Variants in RNMT observed in about 807,000 individuals in gnomAD.
RNMT encodes mRNA cap guanine-N(7) methyltransferase.
RNMT carries 27 observed loss-of-function variants against 56.0 expected under a neutral mutation model. The ratio of observed to expected loss-of-function variants is 0.48; its 90% confidence interval spans 0.36 to 0.67. The LOEUF (loss-of-function observed/expected upper bound fraction) is 0.67. Among genes scored for constraint, RNMT ranks in the 30% least tolerant of loss-of-function variants. RNMT has a pLI of 0.00. For synonymous variants in RNMT, 184 were observed against 176.2 expected (o/e 1.04, Z -0.35); for missense variants, 519 against 552.1 (o/e 0.94, Z 0.60).
At chr18:13,751,761 A>G (rs1368317962) in intron 9 of RNMT, among the ~76,000 whole-genome samples, 1 of 152,244 alleles carries the variant, frequency 6.6e-6, no homozygotes, top group African/African-American at 2.4e-5. Flanking sequence ...AATGTGGCAC[A>G]TATACACCAT....
At chr18:13,728,803 A>G (rs2044019360) in intron 1 of RNMT, among the ~76,000 whole-genome samples, 1 of 151,912 alleles carries the variant, frequency 6.6e-6, no homozygotes, top group Non-Finnish European at 1.5e-5. Context: ...GTCTATTCAG[A>G]TCTTTTGCCC....
At chr18:13,727,777 T>G (rs1253859940) in intron 1 of RNMT, among the ~76,000 whole-genome samples, 1 of 152,212 alleles carries the variant, frequency 6.6e-6, no homozygotes, top group Non-Finnish European at 1.5e-5. Flanking sequence ...CAGTCTGTGG[T>G]AACCACCAAT....
At chr18:13,747,480 A>G (rs536861612) in intron 9 of RNMT, among the ~76,000 whole-genome samples, 14 of 152,294 alleles carry the variant, frequency 9.2e-5, no homozygotes, top group African/African-American at 3.1e-4. Flanking sequence ...TTGGCCTCCC[A>G]AAGTACTGGG....
chr18:13,751,619 G>A (rs545027131), intron 9 of RNMT, among the ~76,000 whole-genome samples: 162 of 152,324 alleles, frequency 1.1e-3, no homozygotes, highest in African/African-American at 3.8e-3. Context: ...ATTACTGGGT[G>A]TATACCCAAA....
At chr18:13,750,011 C>T (rs755243576) in intron 9 of RNMT, among the ~76,000 whole-genome samples, 2 of 152,122 alleles carry the variant, frequency 1.3e-5, no homozygotes, top group South Asian at 2.1e-4. Context: ...CTGCCTTCCT[C>T]GGTCTCCCAA....
intron 4 of RNMT, among the ~76,000 whole-genome samples, chr18:13,736,096 G>A (rs1223096478): frequency 2.0e-5 from 3 of 152,112 alleles, no homozygotes; most frequent in Admixed American, 2.0e-4. Flanking sequence ...TTTTATAATT[G>A]TTTTTCGCTC....
intron 10 of RNMT, among the ~76,000 whole-genome samples, chr18:13,752,778 C>T (rs751668200): frequency 2.0e-5 from 3 of 152,234 alleles, no homozygotes; most frequent in Admixed American, 2.0e-4. Flanking sequence ...TTCACCTATA[C>T]TAATTTCTGC....
intron 11 of RNMT, among the ~76,000 whole-genome samples, chr18:13,757,226 A>G (rs908364593): frequency 6.6e-5 from 10 of 152,270 alleles, no homozygotes; most frequent in African/African-American, 4.8e-5. Flanking sequence ...TCTTTCCTCC[A>G]TGGCGGAAAT....
intron 11 of RNMT, among the ~76,000 whole-genome samples, chr18:13,755,305 G>T (rs2044524300): frequency 6.6e-6 from 1 of 152,198 alleles, no homozygotes; most frequent in Non-Finnish European, 1.5e-5. Flanking sequence ...ATGACATCTG[G>T]GATGTAGTAA....
At chr18:13,726,864 G>A (rs1326132701) in intron 1 of RNMT, 135 bp downstream of exon 1, 1 of 152,266 alleles carries the variant, frequency 6.6e-6, no homozygotes, top group Non-Finnish European at 1.5e-5. Context: ...ACTACCCAAC[G>A]CGTGGGTCTA....
chr18:13,730,074 G>C (rs1352646574), intron 1 of RNMT, among the ~76,000 whole-genome samples: 2 of 152,196 alleles, frequency 1.3e-5, no homozygotes, highest in African/African-American at 4.8e-5. Flanking sequence ...ACAGGTGTGA[G>C]CCACTGTGCC....
chr18:13,753,823 A>ACACACACACC (rs2044496993), intron 10 of RNMT, among the ~76,000 whole-genome samples: 1 of 145,290 alleles, frequency 6.9e-6, no homozygotes, highest in Non-Finnish European at 1.5e-5. Context: ...AGTTACACAC[A>ACACACACACC]CACACACACA....
chr18:13,745,430 G>T (rs2044335282), intron 8 of RNMT, among the ~76,000 whole-genome samples: 1 of 152,184 alleles, frequency 6.6e-6, no homozygotes, highest in African/African-American at 2.4e-5. Context: ...ATTTGAAATT[G>T]ATGTTTTCTA....
At chr18:13,730,088 C>T (rs553435033) in intron 1 of RNMT, among the ~76,000 whole-genome samples, 3 of 152,132 alleles carry the variant, frequency 2.0e-5, no homozygotes, top group Non-Finnish European at 4.4e-5. Flanking sequence ...CTGTGCCCAG[C>T]GAAAGCTTAA....
intron 9 of RNMT, among the ~76,000 whole-genome samples, chr18:13,746,678 G>A (rs1170123595): frequency 6.6e-6 from 1 of 152,156 alleles, no homozygotes; most frequent in Non-Finnish European, 1.5e-5. Flanking sequence ...CTACGCACTA[G>A]ATGCCTTCCA....
In RNMT at chr18:13,731,871, T is replaced by C. The variant is rs1241212437; in HGVS notation, c.354T>C (p.Ser118=). 1 of 1,610,172 alleles carries C rather than the reference T, an allele frequency of 6.2e-7. No homozygotes were observed. Among genetic ancestry groups the C allele is most frequent in the African/African-American group, 1.3e-5 (1 of 74,680 alleles). The change falls in exon 3 of 12, where the codon TCT becomes TCC. Residue 118 remains serine (S), a synonymous_variant. Coordinates refer to ENST00000383314, the MANE Select transcript of RNMT (RefSeq NM_003799.3). ...ETEDVPKDKS[S]TGDGTQNKRK... ...AGGATGTTCCAAAAGATAAATCTTCTACTGGAGATGGCACTCAAAATAAGA... is the reference window on the plus strand; with the variant it reads ...AGGATGTTCCAAAAGATAAATCTTCCACTGGAGATGGCACTCAAAATAAGA...
In RNMT at chr18:13,755,951, G is replaced by A. The variant is rs773313182; in HGVS notation, c.1393+1804G>A. On this transcript the variant is annotated intron_variant, in intron 11 of 11. Coordinates refer to ENST00000383314, the MANE Select transcript of RNMT (RefSeq NM_003799.3). ...ATTGGAAGAGATGGGCTGGACATGC[G>A]AAGAGAGCAGTGGCCAAATTGCACC... Among the ~76,000 whole-genome samples the A allele has an allele frequency of 3.9e-5, 6 of 152,208 alleles. No homozygotes were observed. The East Asian group carries it at 5.8e-4, about 15-fold the overall frequency.
chr18:13,755,747 C>T (rs1296835306), intron 11 of RNMT, among the ~76,000 whole-genome samples: 1 of 152,156 alleles, frequency 6.6e-6, no homozygotes, highest in African/African-American at 2.4e-5. Flanking sequence ...TTACTTTTTC[C>T]CTGCAGTGGA....
At chr18:13,750,014 T>C (rs4796999) in intron 9 of RNMT, among the ~76,000 whole-genome samples, 133,135 of 152,150 alleles carry the variant, frequency 0.88, 58,337 homozygotes, top group East Asian at 0.97. Flanking sequence ...CCTTCCTCGG[T>C]CTCCCAAAGT....
Sources: gnomAD v4.1 joint callset for allele counts (sites outside exome capture counted in the v4.1 genomes callset) on GRCh38, gnomAD v4.1.1 for gene constraint, MANE v1.5 for transcripts, NCBI Gene and HGNC (gene_info 2026-07-23, HGNC 2026-07-21) for gene names.